The following ZNF547 variants were observed in gnomAD, a reference collection of about 807,000 sequenced individuals.
ZNF547 encodes zinc finger protein 547.
ZNF547 carries 4 observed loss-of-function variants against 7.7 expected under a neutral mutation model. The observed-to-expected ratio is 0.52, with a 90% CI of 0.26 to 1.20. ZNF547 has a LOEUF of 1.20. ZNF547 is among the 50% of genes most tolerant of loss of function. The pLI is 0.14. For missense variants in ZNF547, 449 were observed against 485.8 expected (o/e 0.92, Z 0.71); for synonymous variants, 166 against 166.2 (o/e 1.00, Z 0.01).
At chr19:57,371,735 T>C (rs553670806) in intron 2 of ZNF547, 47 bp from the exon 3 acceptor site, 4 of 1,579,874 alleles carry the variant, frequency 2.5e-6, no homozygotes, top group South Asian at 1.2e-5. Context: ...CTTAAGTAAA[T>C]ACAGTTTGAA....
chr19:57,377,293 A>G lies in ZNF547; in HGVS notation c.317A>G (p.Asp106Gly). Residue 106 changes from aspartate (D) to glycine (G), a missense_variant, in exon 4 of 4, where the codon GAC (aspartate) becomes GGC (glycine). Coordinates refer to ENST00000282282, the MANE Select transcript of ZNF547 (RefSeq NM_173631.4). ...GACATTCTGCGTCTGGCTGAGCATG[A>G]CGGAACACACCCCGAGCAGGGACTG... ...LKDILRLAEH[D>G]GTHPEQGLYT... 1 of 1,614,174 alleles carries G rather than the reference A, an allele frequency of 6.2e-7. No individual in the cohort carries two copies. Among genetic ancestry groups the G allele is most frequent in the Non-Finnish European group, 8.5e-7 (1 of 1,180,040 alleles).
rs770020777 is a variant in ZNF547, at chr19:57,377,213, C to T, written c.237C>T (p.Pro79=). 4 of 1,614,176 alleles carry T rather than the reference C, an allele frequency of 2.5e-6. No individual in the cohort carries two copies. In the South Asian group the frequency reaches 4.4e-5, roughly 18 times the overall value. The part of the protein sequence containing the change: ...VGVSQVMAPK[P]CLSTQNTQPC... ...TGTCACAGGTCATGGCTCCAAAGCC[C>T]TGTCTATCTACCCAGAATACCCAGC... Residue 79 remains proline (P), a synonymous_variant, in exon 4 of 4, where the codon CCC becomes CCT. Coordinates refer to ENST00000282282, the MANE Select transcript of ZNF547 (RefSeq NM_173631.4).
chr19:57,369,473 G>C lies in ZNF547; in HGVS notation c.24+894G>C, dbSNP rs116338977. On this transcript the variant is annotated intron_variant, in intron 2 of 3. Coordinates refer to ENST00000282282, the MANE Select transcript of ZNF547 (RefSeq NM_173631.4). ...TGGTGGAGGAGTTCAGGTTGGAGAC[G>C]TCCACACTATGGTGGCTGTCGTATG... 6.3e-3 allele frequency among the ~76,000 whole-genome samples: 961 copies of C among 152,290 alleles called. 12 individuals carry two copies. Among genetic ancestry groups the C allele is most frequent in the African/African-American group, 0.022 (921 of 41,548 alleles).
At position 57,371,922 on chromosome 19, in the gene ZNF547, A is replaced by G; in HGVS notation, c.151+14A>G. ...TGTCCTCACTAGGTAAGGCCCTCAC[A>G]CTTGCCCAGTGTCCTGGGTTGGGCT... On this transcript the variant is annotated intron_variant, in intron 3 of 3. Transcript: ENST00000282282. 1 of 1,588,364 alleles carries G rather than the reference A, an allele frequency of 6.3e-7. No individual in the cohort carries two copies. The highest frequency in any genetic ancestry group is 1.8e-5 in the Admixed American group (1 of 56,218).
intron 3 of ZNF547, among the ~76,000 whole-genome samples, chr19:57,376,784 A>T (rs1235593731): frequency 6.6e-6 from 1 of 152,054 alleles, no homozygotes; most frequent in Non-Finnish European, 1.5e-5. Flanking sequence ...TTTAATCCTA[A>T]ACGAGTCCTG....
rs1004530180 is a variant in ZNF547, at chr19:57,371,502, T to A, written c.25-280T>A. 30 of 345,532 alleles carry A rather than the reference T, an allele frequency of 8.7e-5. 1 individual carries two copies. The highest frequency in any genetic ancestry group is 1.3e-4 in the Non-Finnish European group (25 of 193,114). The allele number at this position is 345,532 out of a possible 1,614,324, so 21.4% of individuals were successfully genotyped here. ...GTCAGGATAGTTTGGCTAGTTTTAG[T>A]AATTCCAGGACACCTGGGCTATTGG... is the stretch of plus-strand genomic sequence containing the variant. On this transcript the variant is annotated intron_variant, in intron 2 of 3. Transcript: ENST00000282282.
At chr19:57,368,249 T>G in intron 1 of ZNF547, 1 of 330,102 alleles carries the variant, frequency 3.0e-6, no homozygotes, top group East Asian at 5.2e-5. Context: ...CCAAGAACAG[T>G]AATAGCTGAT....
intron 3 of ZNF547, among the ~76,000 whole-genome samples, chr19:57,374,338 G>A (rs1325067536): frequency 2.0e-5 from 3 of 152,122 alleles, no homozygotes; most frequent in Non-Finnish European, 4.4e-5. Context: ...GGGACCCAGG[G>A]CCAGCAGCTG....
intron 2 of ZNF547, 122 bp from the exon 3 acceptor site, chr19:57,371,660 A>C: frequency 7.0e-7 from 1 of 1,432,660 alleles, no homozygotes. Context: ...ATGGAAACAC[A>C]TTTAGCTGTT....
At chr19:57,367,949 G>C (rs934522251) in intron 1 of ZNF547, 10 of 152,260 alleles carry the variant, frequency 6.6e-5, no homozygotes, top group African/African-American at 2.4e-4. Flanking sequence ...TGACCTACCT[G>C]CTCAGCCCTT....
intron 3 of ZNF547, among the ~76,000 whole-genome samples, chr19:57,373,453 A>G (rs886515452): frequency 2.1e-5 from 2 of 94,084 alleles, no homozygotes; most frequent in Non-Finnish European, 4.1e-5. Context: ...ACCCAATTTT[A>G]TGTCCCTTCC....
In ZNF547 at chr19:57,377,853, A is replaced by G. The variant is rs772074259; in HGVS notation, c.877A>G (p.Lys293Glu). 20 of 1,612,994 alleles carry G rather than the reference A, an allele frequency of 1.2e-5. No individual in the cohort carries two copies. The highest frequency in any genetic ancestry group is 1.7e-5 in the Admixed American group (1 of 59,900). The change falls in exon 4 of 4, where the codon AAA becomes GAA. Residue 293 changes from lysine to glutamate, a missense_variant. Lys to Glu is a moderately conservative substitution (Grantham distance 56). Transcript: ENST00000282282. ...TAGGCATTACAGAATTCATACAGGA[A>G]AAAGGTCTTATGGTTGCAGTGAATG... ...LFRHYRIHTG[K>E]RSYGCSECGK...
rs1484717622 is a variant in ZNF547 at position 57,378,320 on chromosome 19, G to A, written c.*135G>A. 2.1e-5 allele frequency: 17 copies of A among 815,574 alleles called. No homozygotes were observed. The highest frequency in any genetic ancestry group is 7.8e-5 in the East Asian group (3 of 38,618). 50.5% of individuals were successfully genotyped at this position (815,574 alleles called of 1,614,324 possible). A position where few individuals can be genotyped will look rare whatever the true frequency, so the allele number is the denominator to read the frequency against. ...ATTATGTAGGTACAGCTCTCCAGTC[G>A]CTATGTATCAGAGAATTCACACTGC... On this transcript the variant is annotated 3_prime_UTR_variant, in exon 4 of 4. Transcript: ENST00000282282.
At chr19:57,376,030 G>A (rs544837114) in intron 3 of ZNF547, among the ~76,000 whole-genome samples, 1 of 152,250 alleles carries the variant, frequency 6.6e-6, no homozygotes, top group Admixed American at 6.5e-5. Flanking sequence ...AGGCGTGGTG[G>A]CACGTGCCTG....
At chr19:57,364,536 T>G in intron 1 of ZNF547, 1 of 436,052 alleles carries the variant, frequency 2.3e-6, no homozygotes, top group Non-Finnish European at 4.2e-6. Flanking sequence ...AGGTCAGGCG[T>G]TCAAGACCAG....
At chr19:57,374,065 C>T (rs555754035) in intron 3 of ZNF547, among the ~76,000 whole-genome samples, 38 of 150,916 alleles carry the variant, frequency 2.5e-4, no homozygotes, top group East Asian at 2.1e-3. Context: ...AGAGGTTCTC[C>T]GTGAGTTCCA....
chr19:57,374,274 G>T (rs184018886), intron 3 of ZNF547, among the ~76,000 whole-genome samples: 1 of 152,268 alleles, frequency 6.6e-6, no homozygotes, highest in Non-Finnish European at 1.5e-5. Context: ...GCCATGGCTG[G>T]AGTTGAAGCA....
At chr19:57,375,661 CAAAAAAAAAAAAAA>C (rs67290425) in intron 3 of ZNF547, among the ~76,000 whole-genome samples, 2 of 91,498 alleles carry the variant, frequency 2.2e-5, no homozygotes, top group Non-Finnish European at 4.3e-5. Context: ...GAGTTTGTCT[CAAAAAAAAAAAAAA>C]AAAAAAAAAA....
rs769809279 is a variant in ZNF547, at chr19:57,377,919, CAG to C, written c.948_949del (p.Arg316SerfsTer9). On this transcript the variant is annotated frameshift_variant, in exon 4 of 4. Coordinates refer to ENST00000282282, the MANE Select transcript of ZNF547 (RefSeq NM_173631.4). LOFTEE classifies it low-confidence loss of function (END_TRUNC). Reference sequence around the variant, plus strand: ...GGAAAGGTCTACACTCAGTAGACATCAGAGAGTTCACACTGGAGAAAGGCCTT... The same window carrying C: ...GGAAAGGTCTACACTCAGTAGACATCAGAGTTCACACTGGAGAAAGGCCTT... The part of the protein sequence containing the change: ...FMERSTLSRH[Q>X]RVHTGERPYE... The C allele has an allele frequency of 4.9e-5, 79 of 1,614,008 alleles. 2 individuals carry two copies. In the South Asian group the frequency reaches 8.1e-4, roughly 17 times the overall value.
Sources: gnomAD v4.1 joint callset for allele counts (sites outside exome capture counted in the v4.1 genomes callset) on GRCh38, gnomAD v4.1.1 for gene constraint, MANE v1.5 for transcripts, NCBI Gene and HGNC (gene_info 2026-07-23, HGNC 2026-07-21) for gene names.